LCLAT1: variants seen among roughly 807,000 people sequenced by gnomAD.
LCLAT1 encodes 1-AGP acyltransferase 8.
A neutral mutation model predicts 30.7 loss-of-function variants in LCLAT1; 11 were observed. The observed-to-expected ratio is 0.36, with a 90% CI of 0.23 to 0.59. LCLAT1 has a LOEUF of 0.59. Among genes scored for constraint, LCLAT1 ranks in the 20% least tolerant of loss-of-function variants. The pLI, the probability that LCLAT1 is intolerant of heterozygous loss-of-function variation, is 0.77. For missense variants in LCLAT1, 402 were observed against 458.6 expected (o/e 0.88, Z 1.13); for synonymous variants, 155 against 151.3 (o/e 1.02, Z -0.18).
At chr2:30,599,436 G>A (rs2148488792) in intron 5 of LCLAT1, among the ~76,000 whole-genome samples, 1 of 152,354 alleles carries the variant, frequency 6.6e-6, no homozygotes, top group Middle Eastern at 3.4e-3. Context: ...TGAGAAGAAT[G>A]TATATTCTGT....
intron 1 of LCLAT1, among the ~76,000 whole-genome samples, chr2:30,450,451 G>C (rs2148251408): frequency 6.6e-6 from 1 of 152,318 alleles, no homozygotes; most frequent in South Asian, 2.1e-4. Context: ...AACTGTAGAA[G>C]GATCTCGATT....
intron 3 of LCLAT1, among the ~76,000 whole-genome samples, chr2:30,547,246 A>G (rs1053199293): frequency 6.6e-6 from 1 of 152,190 alleles, no homozygotes; most frequent in Admixed American, 6.5e-5. Flanking sequence ...TAACTATGCT[A>G]TAGCTATTAC....
At chr2:30,598,396 C>T (rs1667025790) in intron 5 of LCLAT1, among the ~76,000 whole-genome samples, 1 of 150,206 alleles carries the variant, frequency 6.7e-6, no homozygotes, top group Non-Finnish European at 1.5e-5. Flanking sequence ...AAGAATTTAT[C>T]CATTTCTTCT....
chr2:30,625,846 A>G (rs1302304383), intron 5 of LCLAT1, among the ~76,000 whole-genome samples: 3 of 152,332 alleles, frequency 2.0e-5, no homozygotes, highest in African/African-American at 7.2e-5. Context: ...AGTGACCACT[A>G]ACTGATCTTC....
At chr2:30,531,761 C>A (rs1685995681) in intron 2 of LCLAT1, among the ~76,000 whole-genome samples, 1 of 152,122 alleles carries the variant, frequency 6.6e-6, no homozygotes, top group African/African-American at 2.4e-5. Flanking sequence ...TTATTTTGAA[C>A]CTATGTTTTA....
rs1040949614 is a variant in LCLAT1, at chr2:30,634,799, T to C, written c.629-5318T>C. Among the ~76,000 whole-genome samples the C allele has an allele frequency of 5.3e-5, 8 of 152,200 alleles. No homozygotes were observed. The South Asian group carries it at 1.7e-3, about 31-fold the overall frequency. ...AGATTACAGTATTTTAGCCCAGTTATAAATGGTAAATGAAAGAGGCACATC... is the reference window on the plus strand; with the variant it reads ...AGATTACAGTATTTTAGCCCAGTTACAAATGGTAAATGAAAGAGGCACATC... On this transcript the variant is annotated intron_variant, in intron 5 of 5. Coordinates refer to ENST00000379509, the MANE Select transcript of LCLAT1 (RefSeq NM_001002257.3).
intron 1 of LCLAT1, among the ~76,000 whole-genome samples, chr2:30,466,394 CTTT>C (rs1364024274): frequency 6.6e-6 from 1 of 151,666 alleles, no homozygotes; most frequent in East Asian, 1.9e-4. Context: ...GTGCCTGACC[CTTT>C]CTGTGTGTTG....
At chr2:30,527,875 T>C (rs1428580137) in intron 2 of LCLAT1, among the ~76,000 whole-genome samples, 2 of 152,210 alleles carry the variant, frequency 1.3e-5, no homozygotes, top group Non-Finnish European at 2.9e-5. Context: ...AACTGGTGTT[T>C]TGGAGAAAAT....
chr2:30,594,721 T>A (rs1202157022), intron 5 of LCLAT1, among the ~76,000 whole-genome samples: 1 of 152,204 alleles, frequency 6.6e-6, no homozygotes, highest in Non-Finnish European at 1.5e-5. Context: ...TTTTTTTCTG[T>A]TCTCCTCTCA....
chr2:30,597,350 A>G (rs557453454), intron 5 of LCLAT1, among the ~76,000 whole-genome samples: 20 of 151,020 alleles, frequency 1.3e-4, no homozygotes, highest in East Asian at 9.8e-4. Flanking sequence ...CCTTGAAGTG[A>G]TCCTTTACTT....
At chr2:30,626,789 GCAGTCTT>G (rs1330108719) in intron 5 of LCLAT1, among the ~76,000 whole-genome samples, 2 of 150,426 alleles carry the variant, frequency 1.3e-5, no homozygotes, top group African/African-American at 4.9e-5. Flanking sequence ...TCTTTCTATT[GCAGTCTT>G]CATTGTATCC....
At chr2:30,492,947 C>G (rs1198573579) in intron 1 of LCLAT1, among the ~76,000 whole-genome samples, 3 of 152,062 alleles carry the variant, frequency 2.0e-5, no homozygotes, top group South Asian at 2.1e-4. Context: ...AAAATTAGCC[C>G]TTTTTAAAAA....
chr2:30,507,539 A>G (rs1684728830), intron 1 of LCLAT1, among the ~76,000 whole-genome samples: 1 of 152,070 alleles, frequency 6.6e-6, no homozygotes, highest in African/African-American at 2.4e-5. Context: ...TTTAGCTCCC[A>G]TTTATAAGTG....
intron 3 of LCLAT1, among the ~76,000 whole-genome samples, chr2:30,539,469 G>T (rs764707158): frequency 6.6e-6 from 1 of 151,810 alleles, no homozygotes; most frequent in Non-Finnish European, 1.5e-5. Flanking sequence ...GTTTAGTCAG[G>T]ATCTAGACAC....
intron 5 of LCLAT1, among the ~76,000 whole-genome samples, chr2:30,624,292 G>A (rs897084501): frequency 6.6e-6 from 1 of 152,122 alleles, no homozygotes; most frequent in South Asian, 2.1e-4. Context: ...AATGTAAATG[G>A]CCTAAATGCT....
At chr2:30,453,324 T>C (rs1314926966) in intron 1 of LCLAT1, among the ~76,000 whole-genome samples, 2 of 151,762 alleles carry the variant, frequency 1.3e-5, no homozygotes, top group Non-Finnish European at 2.9e-5. Context: ...TGACTGGGAG[T>C]GTGGACTGAG....
chr2:30,635,219 C>A (rs976612217), intron 5 of LCLAT1, among the ~76,000 whole-genome samples: 16 of 149,646 alleles, frequency 1.1e-4, no homozygotes, highest in African/African-American at 3.2e-4. Flanking sequence ...TAGCAAGACC[C>A]CTGTCTTTAT....
At chr2:30,547,492 C>T (rs572919090) in intron 3 of LCLAT1, among the ~76,000 whole-genome samples, 2 of 152,212 alleles carry the variant, frequency 1.3e-5, no homozygotes, top group South Asian at 4.1e-4. Context: ...TTCTCAGCCT[C>T]CTGTCAGCAG....
intron 5 of LCLAT1, among the ~76,000 whole-genome samples, chr2:30,604,486 T>C (rs1667334798): frequency 6.6e-6 from 1 of 152,120 alleles, no homozygotes; most frequent in South Asian, 2.1e-4. Flanking sequence ...GAGTATGTGT[T>C]CCAATAAAAC....
Sources: gnomAD v4.1 joint callset for allele counts (sites outside exome capture counted in the v4.1 genomes callset) on GRCh38, gnomAD v4.1.1 for gene constraint, MANE v1.5 for transcripts, NCBI Gene and HGNC (gene_info 2026-07-23, HGNC 2026-07-21) for gene names.